The following NEBL variants were observed in gnomAD, a reference collection of about 807,000 sequenced individuals.
The protein encoded by NEBL is nebulette, also known as LIM and SH3 protein 2.
Under a neutral mutation model 140.2 loss-of-function variants are expected in NEBL, and 122 were observed. The ratio of observed to expected loss-of-function variants is 0.87; its 90% confidence interval spans 0.75 to 1.01. The LOEUF is 1.01. Ranked by LOEUF, NEBL falls within the 50% of genes least tolerant of loss-of-function variation. The probability of loss-of-function intolerance (pLI) is 0.00; values close to 1 mark genes in which losing one functional copy is unlikely to be tolerated. For synonymous variants in NEBL, 436 were observed against 398.9 expected, an observed-to-expected ratio of 1.09 and a Z score of -1.11; for missense variants, 1,365 against 1,231.3, an observed-to-expected ratio of 1.11 and a Z score of -1.62.
At chr10:21,172,480 G>GAA in intron 1 of NEBL, 1 of 1,543,392 alleles carries the variant, frequency 6.5e-7, no homozygotes, top group South Asian at 1.2e-5. Context: ...TGCCAATACT[G>GAA]GAAAAAAAAA....
chr10:20,903,732 GGAGGCCA>G (rs1182375073), intron 4 of NEBL, among the ~76,000 whole-genome samples: 2,857 of 151,872 alleles, frequency 0.019, 96 homozygotes, highest in African/African-American at 0.066. Flanking sequence ...GGATGGAGAT[GGAGGCCA>G]TTATTCTAAG....
chr10:20,911,496 A>G (rs151033141), intron 4 of NEBL, among the ~76,000 whole-genome samples: 2,145 of 152,354 alleles, frequency 0.014, 29 homozygotes, highest in Non-Finnish European at 0.021. Context: ...TGGCCAATAA[A>G]GTATAGGACA....
intron 2 of NEBL, among the ~76,000 whole-genome samples, chr10:21,141,152 C>T (rs773758503): frequency 3.3e-5 from 5 of 150,954 alleles, no homozygotes; most frequent in Admixed American, 6.6e-5. Flanking sequence ...ACCAAAAAGA[C>T]ATGAAACAAT....
chr10:21,118,545 C>T (rs972484228), intron 2 of NEBL, among the ~76,000 whole-genome samples: 3 of 151,938 alleles, frequency 2.0e-5, no homozygotes, highest in African/African-American at 7.3e-5. Context: ...GCTAGTTTTC[C>T]AACCTCTGGG....
At chr10:20,801,660 T>C (rs1428622434) in intron 26 of NEBL, among the ~76,000 whole-genome samples, 1 of 151,990 alleles carries the variant, frequency 6.6e-6, no homozygotes, top group African/African-American at 2.4e-5. Flanking sequence ...CAAGAGATAC[T>C]AGATAAATGT....
At chr10:21,050,437 T>A (rs917060590) in intron 2 of NEBL, among the ~76,000 whole-genome samples, 2 of 152,200 alleles carry the variant, frequency 1.3e-5, no homozygotes, top group African/African-American at 4.8e-5. Context: ...CATTAAATAT[T>A]CTTAGAGGCA....
chr10:20,981,923 A>G (rs1837061602), intron 3 of NEBL, among the ~76,000 whole-genome samples: 1 of 152,204 alleles, frequency 6.6e-6, no homozygotes, highest in African/African-American at 2.4e-5. Flanking sequence ...AACAATGCCA[A>G]TGACAATTGG....
intron 2 of NEBL, among the ~76,000 whole-genome samples, chr10:21,092,440 T>C (rs936240720): frequency 6.6e-6 from 1 of 152,168 alleles, no homozygotes; most frequent in Non-Finnish European, 1.5e-5. Flanking sequence ...AATTATGTGA[T>C]GATTTATTCC....
chr10:21,039,278 T>G (rs750987083), intron 2 of NEBL, among the ~76,000 whole-genome samples: 1 of 152,188 alleles, frequency 6.6e-6, no homozygotes, highest in Non-Finnish European at 1.5e-5. Flanking sequence ...GCTTTTGGTG[T>G]TTTAGTCATG....
intron 2 of NEBL, among the ~76,000 whole-genome samples, chr10:21,165,233 G>T (rs1422680406): frequency 3.9e-5 from 6 of 152,184 alleles, no homozygotes; most frequent in Non-Finnish European, 2.9e-5. Flanking sequence ...AAATAAATGA[G>T]CATTCATAAG....
intron 2 of NEBL, among the ~76,000 whole-genome samples, chr10:21,054,695 C>T (rs1020860229): frequency 2.6e-4 from 39 of 152,174 alleles, no homozygotes; most frequent in African/African-American, 9.2e-4. Context: ...TTTTGAAAAA[C>T]TTATGAAAAT....
intron 13 of NEBL, among the ~76,000 whole-genome samples, chr10:20,838,871 A>C (rs963795422): frequency 3.3e-5 from 5 of 152,184 alleles, no homozygotes; most frequent in Non-Finnish European, 5.9e-5. Flanking sequence ...TTAAATTAAG[A>C]TATGGATGTA....
rs150794885 is a variant in NEBL at position 21,113,026 on chromosome 10, G to A, written c.164+59357C>T. 1.9e-3 allele frequency: 447 copies of A among 229,602 alleles called. 1 individual carries two copies. Among genetic ancestry groups the A allele is most frequent in the Non-Finnish European group, 2.0e-3 (234 of 119,834 alleles). 14.2% of individuals were successfully genotyped at this position (229,602 alleles called of 1,614,324 possible). On this transcript the variant is annotated intron_variant, in intron 2 of 6. Coordinates refer to the NEBL transcript ENST00000417816. Reference sequence around the variant, plus strand: ...AAAACTTGCTGCCACTCCTGAAGAAGAAGGAGGAGGAGAGGGAGGGGGAGC... The same window carrying A: ...AAAACTTGCTGCCACTCCTGAAGAAAAAGGAGGAGGAGAGGGAGGGGGAGC...
intron 1 of NEBL, among the ~76,000 whole-genome samples, chr10:21,279,836 G>A (rs890619308): frequency 2.0e-5 from 3 of 151,862 alleles, no homozygotes; most frequent in Admixed American, 6.6e-5. Flanking sequence ...TGTGTCCCAC[G>A]GGCCATCATT....
intron 2 of NEBL, among the ~76,000 whole-genome samples, chr10:21,147,753 G>A (rs1839964711): frequency 1.3e-5 from 2 of 152,200 alleles, no homozygotes; most frequent in South Asian, 4.1e-4. Context: ...AGCAACTCAT[G>A]TTCCTCACAG....
chr10:21,141,028 C>T (rs1325478202), intron 2 of NEBL, among the ~76,000 whole-genome samples: 1 of 124,882 alleles, frequency 8.0e-6, no homozygotes, highest in Non-Finnish European at 1.6e-5. Flanking sequence ...CATGAGGAGA[C>T]ATCAAATAAA....
At chr10:21,053,386 C>G (rs928734384) in intron 2 of NEBL, among the ~76,000 whole-genome samples, 1 of 152,116 alleles carries the variant, frequency 6.6e-6, no homozygotes, top group African/African-American at 2.4e-5. Context: ...CATACTCATC[C>G]ACACTCACAA....
chr10:20,869,853 C>G lies in NEBL; in HGVS notation c.481-12G>C. Reference sequence around the variant, plus strand: ...TTCCTATAAGAAATCTGATCAGAGACAGTTTTGGTTAAAAAATAAATAAAT... The same window carrying G: ...TTCCTATAAGAAATCTGATCAGAGAGAGTTTTGGTTAAAAAATAAATAAAT... On this transcript the variant is annotated splice_polypyrimidine_tract_variant and intron_variant, in intron 5 of 27. Coordinates refer to ENST00000377122, the MANE Select transcript of NEBL (RefSeq NM_006393.3). 1 of 1,539,636 alleles carries G rather than the reference C, an allele frequency of 6.5e-7. No individual in the cohort carries two copies. The highest frequency in any genetic ancestry group is 9.0e-7 in the Non-Finnish European group (1 of 1,112,458).
chr10:21,265,987 C>T lies in NEBL; in HGVS notation n.183-14159G>A, dbSNP rs115105992. ...GAGTATTTATCAACAGACTCTAATC[C>T]GTCATTGGTTAAAAATTGCTTCTAG... On this transcript the variant is annotated intron_variant and non_coding_transcript_variant, in intron 1 of 8. Transcript: ENST00000675702. Among the ~76,000 whole-genome samples the T allele has an allele frequency of 6.6e-3, 1,003 of 152,246 alleles. 13 individuals carry two copies. Among genetic ancestry groups the T allele is most frequent in the African/African-American group, 0.023 (943 of 41,534 alleles).
Sources: allele counts gnomAD v4.1 joint callset (sites outside exome capture counted in the v4.1 genomes callset), GRCh38; gene constraint gnomAD v4.1.1; transcripts MANE v1.5; gene names NCBI Gene and HGNC (gene_info 2026-07-23, HGNC 2026-07-21).